Variants in GTF2A1L observed in about 807,000 individuals in gnomAD.
The protein encoded by GTF2A1L is TFIIA-alpha and beta-like factor.
In GTF2A1L, 48 loss-of-function variants were observed where a neutral mutation model predicts 49.7. The observed-to-expected ratio is 0.97, with a 90% CI of 0.77 to 1.23. GTF2A1L has a LOEUF of 1.23. Among genes scored for constraint, GTF2A1L ranks in the 50% most tolerant of loss-of-function variants. The probability of loss-of-function intolerance (pLI) is 0.00; values close to 1 mark genes in which losing one functional copy is unlikely to be tolerated. For missense variants in GTF2A1L, 736 were observed against 564.8 expected, an observed-to-expected ratio of 1.30 and a Z score of -3.07; for synonymous variants, 246 against 193.5, an observed-to-expected ratio of 1.27 and a Z score of -2.25.
At position 48,627,780 on chromosome 2, in the gene GTF2A1L, A is replaced by G; in HGVS notation, c.247+6490A>G. 1.4e-5 allele frequency among the ~76,000 whole-genome samples: 2 copies of G among 142,704 alleles called. 1 individual carries two copies. Among genetic ancestry groups the G allele is most frequent in the Non-Finnish European group, 3.2e-5 (2 of 63,472 alleles). 93.6% of individuals were successfully genotyped at this position (142,704 alleles called of 152,430 possible). On this transcript the variant is annotated intron_variant, in intron 3 of 8. Transcript: ENST00000403751. ...ACAGGCAGGTTTGTTACATGGGTAT[A>G]TTGCATGATTCTGAGGTTTGGGGTA...
At chr2:48,634,946 G>T (rs1329826682) in intron 3 of GTF2A1L, among the ~76,000 whole-genome samples, 3 of 152,208 alleles carry the variant, frequency 2.0e-5, no homozygotes, top group African/African-American at 7.2e-5. Context: ...CTGAAGCTGA[G>T]GGAGAATCCA....
chr2:48,645,133 A>G lies in GTF2A1L; in HGVS notation c.388+16A>G. 1 of 1,579,928 alleles carries G rather than the reference A, an allele frequency of 6.3e-7. No homozygotes were observed. The highest frequency in any genetic ancestry group is 8.6e-7 in the Non-Finnish European group (1 of 1,168,678). Reference sequence around the variant, plus strand: ...ACTGTATCTGGTGAGAGTATATTCTAAGAATCTTTTTGTTTTCAGCATTGG... The same window carrying G: ...ACTGTATCTGGTGAGAGTATATTCTGAGAATCTTTTTGTTTTCAGCATTGG... On this transcript the variant is annotated intron_variant, in intron 5 of 8. Transcript: ENST00000403751.
chr2:48,623,410 T>A (rs1676123914), intron 3 of GTF2A1L, among the ~76,000 whole-genome samples: 1 of 152,136 alleles, frequency 6.6e-6, no homozygotes, highest in Non-Finnish European at 1.5e-5. Context: ...TGGCTATTAT[T>A]AAAAAACTGA....
Position 48,646,632 on chromosome 2 carries a change from A to G in GTF2A1L, c.568A>G (p.Ile190Val). Residue 190 changes from isoleucine to valine, a missense_variant, in exon 6 of 9, where the codon ATT (isoleucine) becomes GTT (valine). Transcript: ENST00000403751. Reference sequence around the variant, plus strand: ...AGCAACTACTGAAAAATCACAGAGAATTGAAACCGTGCTACAGCAACCCGC... The same window carrying G: ...AGCAACTACTGAAAAATCACAGAGAGTTGAAACCGTGCTACAGCAACCCGC... Reference protein sequence around the residue: ...LQATTEKSQRIETVLQQPAIL... With the variant: ...LQATTEKSQRVETVLQQPAIL... The G allele has an allele frequency of 6.2e-7, 1 of 1,614,162 alleles. No homozygotes were observed. Among genetic ancestry groups the G allele is most frequent in the Non-Finnish European group, 8.5e-7 (1 of 1,180,020 alleles).
At chr2:48,632,638 C>T (rs1373110738) in intron 3 of GTF2A1L, 1 of 156,586 alleles carries the variant, frequency 6.4e-6, no homozygotes, top group African/African-American at 2.4e-5. Flanking sequence ...GCCTTGGCCT[C>T]CCAAAGTGCT....
chr2:48,674,967 G>A (rs1289340411), intron 8 of GTF2A1L, among the ~76,000 whole-genome samples: 7 of 152,252 alleles, frequency 4.6e-5, no homozygotes, highest in African/African-American at 1.7e-4. Flanking sequence ...TAAAAGGGGA[G>A]TGATGTAGTC....
At chr2:48,622,028 T>G (rs1558694839) in intron 3 of GTF2A1L, among the ~76,000 whole-genome samples, 1 of 152,210 alleles carries the variant, frequency 6.6e-6, no homozygotes, top group Non-Finnish European at 1.5e-5. Context: ...CAAGTTTTAT[T>G]GGGTTTAGCT....
chr2:48,657,299 C>A (rs1020776323), intron 6 of GTF2A1L, among the ~76,000 whole-genome samples: 1 of 152,166 alleles, frequency 6.6e-6, no homozygotes, highest in African/African-American at 2.4e-5. Context: ...ATTTCCACCA[C>A]TGGGTGTCCG....
intron 6 of GTF2A1L, among the ~76,000 whole-genome samples, chr2:48,663,005 C>A (rs1156525123): frequency 6.6e-6 from 1 of 151,792 alleles, no homozygotes; most frequent in Non-Finnish European, 1.5e-5. Flanking sequence ...TAAACTAAAC[C>A]CCCGTGACAC....
intron 6 of GTF2A1L, among the ~76,000 whole-genome samples, chr2:48,664,120 GT>G (rs538015497): frequency 2.0e-5 from 3 of 150,318 alleles, no homozygotes; most frequent in South Asian, 4.2e-4. Flanking sequence ...TTCCCAGAGT[GT>G]TTTTTTTTCT....
At chr2:48,678,513 T>A (rs1454714218) in intron 8 of GTF2A1L, among the ~76,000 whole-genome samples, 1 of 152,098 alleles carries the variant, frequency 6.6e-6, no homozygotes, top group Non-Finnish European at 1.5e-5. Context: ...GGTTTAAATT[T>A]TACTCTTGAT....
intron 4 of GTF2A1L, among the ~76,000 whole-genome samples, chr2:48,643,542 T>C (rs1294426676): frequency 6.6e-6 from 1 of 152,122 alleles, no homozygotes; most frequent in African/African-American, 2.4e-5. Flanking sequence ...GCCTTTGGAA[T>C]TCAAACAAAT....
intron 3 of GTF2A1L, among the ~76,000 whole-genome samples, chr2:48,631,752 T>G (rs1373314361): frequency 6.6e-6 from 1 of 152,182 alleles, no homozygotes; most frequent in Non-Finnish European, 1.5e-5. Context: ...GATGTTAGAT[T>G]GTTAATTTGA....
chr2:48,618,029 G>T lies in GTF2A1L; in HGVS notation c.21+134G>T, dbSNP rs1249155360. On this transcript the variant is annotated intron_variant, in intron 1 of 8. Coordinates refer to ENST00000403751, the MANE Select transcript of GTF2A1L (RefSeq NM_006872.5). ...AAACCCTCTCTCTTCCTTAGGGGCTGGGGCTCTTCTTCACGTCTGTGTTGG... is the reference window on the plus strand; with the variant it reads ...AAACCCTCTCTCTTCCTTAGGGGCTTGGGCTCTTCTTCACGTCTGTGTTGG... 6 of 923,778 alleles carry T rather than the reference G, an allele frequency of 6.5e-6. No homozygotes were observed. In the African/African-American group the frequency reaches 8.5e-5, roughly 13 times the overall value. The allele number at this position is 923,778 out of a possible 1,614,324, so 57.2% of individuals were successfully genotyped here.
At chr2:48,667,522 C>A (rs1161121428) in intron 6 of GTF2A1L, among the ~76,000 whole-genome samples, 2 of 152,104 alleles carry the variant, frequency 1.3e-5, no homozygotes, top group Non-Finnish European at 2.9e-5. Context: ...TCTAAGATTT[C>A]TCTAATTTAT....
chr2:48,655,223 A>T (rs934210306), intron 6 of GTF2A1L, among the ~76,000 whole-genome samples: 2 of 151,930 alleles, frequency 1.3e-5, no homozygotes, highest in East Asian at 1.9e-4. Flanking sequence ...TTATATTTTT[A>T]TCTAAATATT....
chr2:48,676,812 T>TATCTATATCTATATCTATATC (rs1345536178), intron 8 of GTF2A1L, among the ~76,000 whole-genome samples: 1 of 150,778 alleles, frequency 6.6e-6, no homozygotes, highest in Non-Finnish European at 1.5e-5. Context: ...TATATCTATA[T>TATCTATATCTATATCTATATC]ATCTATATCT....
intron 4 of GTF2A1L, among the ~76,000 whole-genome samples, chr2:48,643,280 A>C (rs904627903): frequency 1.3e-5 from 2 of 152,204 alleles, no homozygotes; most frequent in Non-Finnish European, 2.9e-5. Context: ...TAGAAAACCA[A>C]GTAGTTTTTC....
At chr2:48,638,553 T>C (rs1303684363) in intron 3 of GTF2A1L, among the ~76,000 whole-genome samples, 2 of 152,234 alleles carry the variant, frequency 1.3e-5, no homozygotes, top group Non-Finnish European at 1.5e-5. Context: ...CTCAAGAAAC[T>C]AGGTATTGAA....
Sources: allele counts gnomAD v4.1 joint callset (sites outside exome capture counted in the v4.1 genomes callset), GRCh38; gene constraint gnomAD v4.1.1; transcripts MANE v1.5; gene names NCBI Gene and HGNC (gene_info 2026-07-23, HGNC 2026-07-21).